Variants in NECAB1 observed in about 807,000 individuals in gnomAD.
The protein encoded by NECAB1 is N-terminal EF-hand calcium-binding protein 1.
Under a neutral mutation model 57.5 loss-of-function variants are expected in NECAB1, and 29 were observed. The observed-to-expected ratio is 0.50, with a 90% CI of 0.38 to 0.69. The LOEUF (loss-of-function observed/expected upper bound fraction) is 0.69. Ranked by LOEUF, NECAB1 falls within the 30% of genes least tolerant of loss-of-function variation. The probability of loss-of-function intolerance (pLI) is 0.00; values close to 1 mark genes in which losing one functional copy is unlikely to be tolerated. For missense variants in NECAB1, 372 were observed against 413.8 expected, an observed-to-expected ratio of 0.90 and a Z score of 0.88; for synonymous variants, 142 against 147.7, an observed-to-expected ratio of 0.96 and a Z score of 0.28.
At chr8:90,949,732 C>T (rs931594473) in intron 10 of NECAB1, 75 bp from the exon 11 acceptor site, 16 of 781,030 alleles carry the variant, frequency 2.0e-5, no homozygotes, top group South Asian at 1.8e-4. Context: ...TTTCATACTA[C>T]ATATGGATAT....
chr8:90,905,451 C>G (rs1303353405), intron 5 of NECAB1, among the ~76,000 whole-genome samples: 1 of 152,082 alleles, frequency 6.6e-6, no homozygotes, highest in Non-Finnish European at 1.5e-5. Context: ...GACAGAAGAG[C>G]AAGCCTGCAC....
intron 10 of NECAB1, among the ~76,000 whole-genome samples, chr8:90,945,826 A>G (rs889350082): frequency 4.6e-5 from 7 of 152,218 alleles, no homozygotes; most frequent in Admixed American, 4.6e-4. Flanking sequence ...TGGGGCCTGC[A>G]TCCAAAGACA....
chr8:90,836,424 T>C (rs1812371758), intron 3 of NECAB1, among the ~76,000 whole-genome samples: 1 of 152,126 alleles, frequency 6.6e-6, no homozygotes, highest in South Asian at 2.1e-4. Context: ...CACTAATGGG[T>C]TTAATAGTTT....
intron 1 of NECAB1, among the ~76,000 whole-genome samples, chr8:90,792,911 A>G (rs1003519644): frequency 1.3e-5 from 2 of 151,678 alleles, no homozygotes; most frequent in African/African-American, 4.8e-5. Context: ...CCAGCCCCTC[A>G]GTTGTCACAT....
At chr8:90,856,543 G>A (rs1563507190) in intron 3 of NECAB1, among the ~76,000 whole-genome samples, 1 of 152,128 alleles carries the variant, frequency 6.6e-6, no homozygotes, top group Non-Finnish European at 1.5e-5. Flanking sequence ...AATATCTGAA[G>A]TAATGGAATA....
intron 2 of NECAB1, among the ~76,000 whole-genome samples, chr8:90,807,664 A>G (rs758203207): frequency 2.6e-5 from 4 of 152,186 alleles, no homozygotes; most frequent in Non-Finnish European, 5.9e-5. Flanking sequence ...ACATTGACAT[A>G]AGGCTCTGTA....
intron 12 of NECAB1, among the ~76,000 whole-genome samples, chr8:90,952,477 G>A (rs1414965062): frequency 6.6e-6 from 1 of 151,984 alleles, no homozygotes; most frequent in Non-Finnish European, 1.5e-5. Flanking sequence ...ATAGTGTTAT[G>A]ATGTTATAAA....
intron 3 of NECAB1, among the ~76,000 whole-genome samples, chr8:90,858,871 T>C (rs1809047373): frequency 1.3e-5 from 2 of 152,070 alleles, no homozygotes; most frequent in Admixed American, 1.3e-4. Context: ...TAAACAATTA[T>C]CAAAATACAA....
intron 7 of NECAB1, among the ~76,000 whole-genome samples, chr8:90,927,805 GTT>G (rs141946433): frequency 6.9e-6 from 1 of 144,718 alleles, no homozygotes; most frequent in African/African-American, 2.6e-5. Context: ...TGCCCTTATG[GTT>G]TTTTTTTTTA....
At chr8:90,815,064 C>T (rs1812036267) in intron 2 of NECAB1, among the ~76,000 whole-genome samples, 1 of 152,002 alleles carries the variant, frequency 6.6e-6, no homozygotes, top group Non-Finnish European at 1.5e-5. Flanking sequence ...AGACTCCTGT[C>T]TTTGCTTGTC....
chr8:90,876,896 T>A (rs1201296081), intron 4 of NECAB1, among the ~76,000 whole-genome samples: 2 of 152,240 alleles, frequency 1.3e-5, no homozygotes, highest in Admixed American at 6.5e-5. Flanking sequence ...CTCAAGTTCA[T>A]GAAACCCACA....
At chr8:90,908,065 T>C (rs1036545347) in intron 5 of NECAB1, among the ~76,000 whole-genome samples, 1 of 152,214 alleles carries the variant, frequency 6.6e-6, no homozygotes, top group Non-Finnish European at 1.5e-5. Flanking sequence ...TTGAAAAATG[T>C]ATTTGTGTCT....
At chr8:90,941,999 A>G (rs1042898901) in intron 10 of NECAB1, among the ~76,000 whole-genome samples, 7 of 152,162 alleles carry the variant, frequency 4.6e-5, no homozygotes, top group African/African-American at 1.7e-4. Flanking sequence ...GTGTGTGTAC[A>G]TGTGTGCATA....
chr8:90,909,779 GTGTT>G (rs557755540), intron 5 of NECAB1, among the ~76,000 whole-genome samples: 153 of 152,146 alleles, frequency 1.0e-3, no homozygotes, highest in African/African-American at 3.1e-3. Flanking sequence ...ATGTCTTGAT[GTGTT>G]TGTTCTGAGT....
intron 1 of NECAB1, among the ~76,000 whole-genome samples, chr8:90,796,077 A>T (rs1170722563): frequency 6.6e-6 from 1 of 152,234 alleles, no homozygotes; most frequent in African/African-American, 2.4e-5. Flanking sequence ...TACCCTAGGC[A>T]AAATTGAGAA....
At chr8:90,933,843 A>C (rs1303637765) in intron 8 of NECAB1, among the ~76,000 whole-genome samples, 2 of 152,236 alleles carry the variant, frequency 1.3e-5, no homozygotes, top group African/African-American at 2.4e-5. Flanking sequence ...TTAATAAAGA[A>C]AAATTAACAC....
Position 90,848,720 on chromosome 8 carries a change from C to T in NECAB1, c.234-23408C>T, listed in dbSNP as rs111340590. On this transcript the variant is annotated intron_variant, in intron 3 of 12. Coordinates refer to ENST00000417640, the MANE Select transcript of NECAB1 (RefSeq NM_022351.5). Reference sequence around the variant, plus strand: ...TCAGATCAGTCCAAGTGCAATGGCTCATGTCTGTAATCCCAGCACTTTGGG... The same window carrying T: ...TCAGATCAGTCCAAGTGCAATGGCTTATGTCTGTAATCCCAGCACTTTGGG... Among the ~76,000 whole-genome samples the T allele has an allele frequency of 2.1e-3, 323 of 152,266 alleles. 1 individual carries two copies. The highest frequency in any genetic ancestry group is 7.4e-3 in the African/African-American group (308 of 41,552).
intron 1 of NECAB1, among the ~76,000 whole-genome samples, chr8:90,800,258 C>T (rs1429948136): frequency 6.6e-6 from 1 of 152,068 alleles, no homozygotes; most frequent in African/African-American, 2.4e-5. Context: ...GAAGAGAGAC[C>T]ATTTGGCTTC....
chr8:90,838,747 G>A (rs1404377997), intron 3 of NECAB1, among the ~76,000 whole-genome samples: 1 of 152,138 alleles, frequency 6.6e-6, no homozygotes, highest in Non-Finnish European at 1.5e-5. Flanking sequence ...ATAACAAAAC[G>A]AAGTTGAATG....
Sources: gnomAD v4.1 joint callset for allele counts (sites outside exome capture counted in the v4.1 genomes callset) on GRCh38, gnomAD v4.1.1 for gene constraint, MANE v1.5 for transcripts, NCBI Gene and HGNC (gene_info 2026-07-23, HGNC 2026-07-21) for gene names.